Variants in PALLD observed in about 807,000 individuals in gnomAD.
PALLD encodes the protein palladin, cytoskeletal associated protein, also known as palladin.
Under a neutral mutation model 123.5 loss-of-function variants are expected in PALLD, and 61 were observed. The ratio of observed to expected loss-of-function variants is 0.49; its 90% CI spans 0.40 to 0.61. The LOEUF (loss-of-function observed/expected upper bound fraction) is 0.61. Among genes scored for constraint, PALLD ranks in the 20% least tolerant of loss-of-function variants. PALLD has a pLI of 0.00. For missense variants in PALLD, 1,273 were observed against 1,377.0 expected (o/e 0.92, Z 1.20); for synonymous variants, 465 against 496.4 (o/e 0.94, Z 0.84).
At chr4:168,502,273 G>C (rs1282215160) in intron 1 of PALLD, among the ~76,000 whole-genome samples, 1 of 152,166 alleles carries the variant, frequency 6.6e-6, no homozygotes, top group Non-Finnish European at 1.5e-5. Flanking sequence ...AAAGTTTACA[G>C]AATTCTTTGT....
At chr4:168,878,681 A>T (rs1581876802) in intron 10 of PALLD, among the ~76,000 whole-genome samples, 6 of 112,852 alleles carry the variant, frequency 5.3e-5, no homozygotes, top group Admixed American at 5.1e-4. Flanking sequence ...CTTAATCATT[A>T]TGGGGGGGGG....
At chr4:168,841,688 T>C (rs28396396) in intron 10 of PALLD, among the ~76,000 whole-genome samples, 1,784 of 152,306 alleles carry the variant, frequency 0.012, 36 homozygotes, top group African/African-American at 0.041. Context: ...CCATGCAGCC[T>C]CTACAACTCT....
intron 10 of PALLD, among the ~76,000 whole-genome samples, chr4:168,774,973 A>G (rs944309187): frequency 3.3e-5 from 5 of 152,140 alleles, no homozygotes; most frequent in African/African-American, 1.2e-4. Flanking sequence ...GTCTTGTTAT[A>G]TGTATAATAC....
At chr4:168,647,554 G>T (rs530057007) in intron 2 of PALLD, among the ~76,000 whole-genome samples, 1 of 152,150 alleles carries the variant, frequency 6.6e-6, no homozygotes. Context: ...GCCAAGGCAG[G>T]CACGTCATCT....
intron 2 of PALLD, among the ~76,000 whole-genome samples, chr4:168,608,441 A>G (rs1773403827): frequency 6.6e-6 from 1 of 152,222 alleles, no homozygotes; most frequent in South Asian, 2.1e-4. Flanking sequence ...CTACATCAGT[A>G]TGACATCACT....
intron 10 of PALLD, among the ~76,000 whole-genome samples, chr4:168,745,969 C>T (rs891055923): frequency 6.6e-6 from 1 of 151,944 alleles, no homozygotes; most frequent in Non-Finnish European, 1.5e-5. Flanking sequence ...GAGTCTGACC[C>T]CTCAAATTTA....
intron 10 of PALLD, among the ~76,000 whole-genome samples, chr4:168,722,203 C>T (rs999098411): frequency 2.0e-5 from 3 of 152,202 alleles, no homozygotes; most frequent in Admixed American, 1.3e-4. Flanking sequence ...CAACACCACA[C>T]CCAGCTATTT....
At chr4:168,651,095 G>T (rs1777996030) in intron 2 of PALLD, among the ~76,000 whole-genome samples, 1 of 152,138 alleles carries the variant, frequency 6.6e-6, no homozygotes, top group Non-Finnish European at 1.5e-5. Flanking sequence ...AAGGCAAAAG[G>T]TTCAAGAATG....
At chr4:168,900,170 T>C (rs936340064) in intron 14 of PALLD, among the ~76,000 whole-genome samples, 1 of 152,190 alleles carries the variant, frequency 6.6e-6, no homozygotes, top group Non-Finnish European at 1.5e-5. Flanking sequence ...ACCAAGGGGA[T>C]GGTGCTAAAC....
intron 2 of PALLD, among the ~76,000 whole-genome samples, chr4:168,589,099 G>A (rs947098406): frequency 6.6e-6 from 1 of 152,226 alleles, no homozygotes; most frequent in African/African-American, 2.4e-5. Context: ...TGGTTCGTCA[G>A]AGCTGGCTCC....
chr4:168,829,969 T>C (rs1409326972), intron 10 of PALLD, among the ~76,000 whole-genome samples: 3 of 152,186 alleles, frequency 2.0e-5, no homozygotes, highest in Non-Finnish European at 4.4e-5. Flanking sequence ...CAGTGGGTCA[T>C]GCCTATAATC....
chr4:168,603,653 T>A (rs991554104), intron 2 of PALLD, among the ~76,000 whole-genome samples: 1 of 152,142 alleles, frequency 6.6e-6, no homozygotes, highest in Admixed American at 6.6e-5. Flanking sequence ...TGCAAGGTGG[T>A]AGGGATAGGT....
chr4:168,861,477 AT>A (rs1287131291), intron 10 of PALLD, among the ~76,000 whole-genome samples: 1 of 152,036 alleles, frequency 6.6e-6, no homozygotes, highest in Non-Finnish European at 1.5e-5. Flanking sequence ...TATCTTTTGC[AT>A]TTTGAAGAGC....
At chr4:168,746,391 A>AAAAAAAAAT (rs1168520795) in intron 10 of PALLD, among the ~76,000 whole-genome samples, 2 of 136,246 alleles carry the variant, frequency 1.5e-5, no homozygotes, top group Non-Finnish European at 3.1e-5. Flanking sequence ...AAAAAAAAAA[A>AAAAAAAAAT]AAAAAAAAAA....
chr4:168,768,961 T>G (rs934519982), intron 10 of PALLD, among the ~76,000 whole-genome samples: 4 of 152,162 alleles, frequency 2.6e-5, no homozygotes, highest in African/African-American at 9.7e-5. Flanking sequence ...CCTGAGTAGC[T>G]GGGGCTACAG....
At chr4:168,549,778 CA>C (rs11399128) in intron 2 of PALLD, among the ~76,000 whole-genome samples, 8 of 148,232 alleles carry the variant, frequency 5.4e-5, no homozygotes, top group Admixed American at 2.7e-4. Flanking sequence ...ACAAGAACCA[CA>C]AAAAAAAAAT....
chr4:168,845,628 G>C (rs1746726535), intron 10 of PALLD, among the ~76,000 whole-genome samples: 1 of 151,974 alleles, frequency 6.6e-6, no homozygotes, highest in Admixed American at 6.5e-5. Flanking sequence ...TGTGGATTTT[G>C]GTATCCGAAG....
intron 8 of PALLD, among the ~76,000 whole-genome samples, chr4:168,695,963 C>T (rs1468200843): frequency 6.6e-6 from 1 of 152,008 alleles, no homozygotes; most frequent in Non-Finnish European, 1.5e-5. Context: ...CTTTTGAATT[C>T]CCTGGGCCAC....
rs879337766 is a variant in PALLD at position 168,734,274 on chromosome 4, A to AT, written c.1964+22364dup. 1.3e-3 allele frequency among the ~76,000 whole-genome samples: 184 copies of AT among 145,782 alleles called. 1 individual carries two copies. Among genetic ancestry groups the AT allele is most frequent in the African/African-American group, 2.6e-3 (103 of 40,004 alleles). ...AATAACGGTATAAGTCCTGGGTTTG[A>AT]TTTTTTTTTTTTTAAGTGTAAAAAG... On this transcript the variant is annotated intron_variant, in intron 10 of 21. Coordinates refer to ENST00000505667, the MANE Select transcript of PALLD (RefSeq NM_001166108.2).
Sources: gnomAD v4.1 joint callset for allele counts (sites outside exome capture counted in the v4.1 genomes callset) on GRCh38, gnomAD v4.1.1 for gene constraint, MANE v1.5 for transcripts, NCBI Gene and HGNC (gene_info 2026-07-23, HGNC 2026-07-21) for gene names.